SLC38A8: variants seen among roughly 807,000 people sequenced by gnomAD.
SLC38A8 encodes solute carrier family 38 member 8.
SLC38A8 carries 65 observed loss-of-function variants against 46.0 expected under a neutral mutation model. The observed-to-expected ratio is 1.41, with a 90% CI of 1.16 to 1.74. The LOEUF is 1.74. Ranked by LOEUF, SLC38A8 falls within the 40% of genes most tolerant of loss-of-function variation. The probability of loss-of-function intolerance (pLI) is 0.00; values close to 1 mark genes in which losing one functional copy is unlikely to be tolerated. For synonymous variants in SLC38A8, 447 were observed against 243.7 expected, an observed-to-expected ratio of 1.83 and a Z score of -7.77; for missense variants, 998 against 567.9, an observed-to-expected ratio of 1.76 and a Z score of -7.70.
intron 6 of SLC38A8, among the ~76,000 whole-genome samples, chr16:84,025,640 C>T (rs547595762): frequency 5.3e-5 from 8 of 152,308 alleles, no homozygotes; most frequent in African/African-American, 1.7e-4. Context: ...CCAGCAGCCA[C>T]CAGGCCTCCC....
At chr16:84,034,040 G>A (rs1244032580) in intron 3 of SLC38A8, among the ~76,000 whole-genome samples, 1 of 152,198 alleles carries the variant, frequency 6.6e-6, no homozygotes, top group Non-Finnish European at 1.5e-5. Context: ...TGCTTGGGGG[G>A]TCTCTGGCTG....
intron 7 of SLC38A8, among the ~76,000 whole-genome samples, chr16:84,021,841 C>A (rs754696253): frequency 1.2e-4 from 19 of 152,236 alleles, no homozygotes; most frequent in Non-Finnish European, 2.4e-4. Context: ...GAGGCTACAT[C>A]TGGGGAGAGC....
At chr16:84,015,607 A>G (rs887531664) in intron 9 of SLC38A8, among the ~76,000 whole-genome samples, 3 of 151,858 alleles carry the variant, frequency 2.0e-5, no homozygotes, top group African/African-American at 7.3e-5. Flanking sequence ...CTTCGCATCT[A>G]TGGAATGGGA....
At chr16:84,040,388 G>T (rs2085354309) in intron 2 of SLC38A8, among the ~76,000 whole-genome samples, 4 of 152,184 alleles carry the variant, frequency 2.6e-5, no homozygotes, top group Admixed American at 2.6e-4. Flanking sequence ...AAACAAAACA[G>T]CTGTTTCCCC....
At chr16:84,038,642 A>G (rs1421569281) in intron 2 of SLC38A8, among the ~76,000 whole-genome samples, 2 of 152,238 alleles carry the variant, frequency 1.3e-5, no homozygotes, top group African/African-American at 2.4e-5. Flanking sequence ...TGGAAGATGT[A>G]CAATGCACAT....
chr16:84,035,387 A>G (rs549036964), intron 3 of SLC38A8, among the ~76,000 whole-genome samples: 3 of 152,348 alleles, frequency 2.0e-5, no homozygotes, highest in African/African-American at 7.2e-5. Flanking sequence ...TCATGGGTCA[A>G]GAGACACACA....
chr16:84,032,679 A>T (rs4782581), intron 4 of SLC38A8, among the ~76,000 whole-genome samples: 2 of 151,992 alleles, frequency 1.3e-5, no homozygotes, highest in Admixed American at 1.3e-4. Flanking sequence ...CAGGGCAGAG[A>T]CCTGAGGGAG....
intron 10 of SLC38A8, among the ~76,000 whole-genome samples, chr16:84,012,044 C>T (rs1453728735): frequency 6.6e-6 from 1 of 152,186 alleles, no homozygotes; most frequent in Non-Finnish European, 1.5e-5. Context: ...CCAGCCCTGC[C>T]AACACCTTGA....
At chr16:84,032,074 T>A (rs1455781581) in intron 4 of SLC38A8, 106 bp from the exon 5 acceptor site, 2 of 978,510 alleles carry the variant, frequency 2.0e-6, no homozygotes, top group East Asian at 2.6e-5. Flanking sequence ...GACAATGAGG[T>A]GCTGGCCAAG....
At chr16:84,028,347 G>A (rs572335590) in intron 6 of SLC38A8, among the ~76,000 whole-genome samples, 32 of 152,102 alleles carry the variant, frequency 2.1e-4, no homozygotes, top group Admixed American at 5.2e-4. Context: ...GTGGGAGGCC[G>A]AGGAGGGCAG....
intron 9 of SLC38A8, among the ~76,000 whole-genome samples, chr16:84,013,980 G>C (rs1419368859): frequency 2.0e-5 from 3 of 152,110 alleles, no homozygotes; most frequent in Non-Finnish European, 2.9e-5. Context: ...CAGAGCCTGA[G>C]TGAGGAGCCG....
rs1001821747 is a variant in SLC38A8, at chr16:84,027,721, G to A, written c.690+1773C>T. On this transcript the variant is annotated intron_variant, in intron 6 of 10. Transcript: ENST00000299709. ...CCTATCCTTCCCAGCTCTTCATCTC[G>A]GCATCCCGTGTCCCTGGAAACGCAG... Among the ~76,000 whole-genome samples the A allele has an allele frequency of 3.3e-5, 5 of 152,178 alleles. No individual in the cohort carries two copies. The South Asian group carries it at 1.0e-3, about 32-fold the overall frequency.
Position 84,022,898 on chromosome 16 carries a change from C to T in SLC38A8, c.691-9G>A, listed in dbSNP as rs369721789. On this transcript the variant is annotated splice_polypyrimidine_tract_variant and intron_variant, in intron 6 of 10. Coordinates refer to ENST00000299709, the MANE Select transcript of SLC38A8 (RefSeq NM_001080442.3). ...ACGGCAGCTTCGTGACACTGTAAGA[C>T]AGAGGGCGGCTCAGCAGGATGCTGG... 9 of 1,576,234 alleles carry T rather than the reference C, an allele frequency of 5.7e-6. No homozygotes were observed. Among genetic ancestry groups the T allele is most frequent in the Non-Finnish European group, 7.7e-6 (9 of 1,163,810 alleles).
intron 2 of SLC38A8, among the ~76,000 whole-genome samples, chr16:84,038,079 G>A (rs1313408808): frequency 6.6e-6 from 1 of 152,094 alleles, no homozygotes; most frequent in Non-Finnish European, 1.5e-5. Context: ...GGGAGGCCAA[G>A]GCGGGAGGAT....
chr16:84,037,925 C>T (rs1393968363), intron 2 of SLC38A8, among the ~76,000 whole-genome samples: 1 of 151,300 alleles, frequency 6.6e-6, no homozygotes, highest in African/African-American at 2.4e-5. Flanking sequence ...TCTCCTGCCT[C>T]AACCTCCCGA....
intron 9 of SLC38A8, among the ~76,000 whole-genome samples, chr16:84,013,680 T>G (rs1453964465): frequency 6.6e-6 from 1 of 151,656 alleles, no homozygotes; most frequent in Non-Finnish European, 1.5e-5. Flanking sequence ...CCGCCCGCCT[T>G]GGCCTCCCAA....
chr16:84,029,084 G>A (rs1373882010), intron 6 of SLC38A8, among the ~76,000 whole-genome samples: 6 of 152,130 alleles, frequency 3.9e-5, no homozygotes, highest in African/African-American at 9.7e-5. Flanking sequence ...AAGGCCCTGG[G>A]CAGAGTCCAC....
At position 84,040,449 on chromosome 16, in the gene SLC38A8, G is replaced by C. The variant is rs573191837; in HGVS notation, c.189+1520C>G. 2.0e-5 allele frequency among the ~76,000 whole-genome samples: 3 copies of C among 152,328 alleles called. No individual in the cohort carries two copies. The East Asian group carries it at 5.8e-4, about 29-fold the overall frequency. ...AGGCCCACCCAGCCCTGCAGGGCCA[G>C]CATCTGCATTTCAGCAAGATCTGTG... On this transcript the variant is annotated intron_variant, in intron 2 of 10. Transcript: ENST00000299709.
chr16:84,041,847 TA>T, intron 2 of SLC38A8, 121 bp downstream of exon 2: 1 of 883,238 alleles, frequency 1.1e-6, no homozygotes. Flanking sequence ...GGATAGAAAA[TA>T]AAACCCCGAA....
Sources: allele counts gnomAD v4.1 joint callset (sites outside exome capture counted in the v4.1 genomes callset), GRCh38; gene constraint gnomAD v4.1.1; transcripts MANE v1.5; gene names NCBI Gene and HGNC (gene_info 2026-07-23, HGNC 2026-07-21).